Variants in MEIKIN observed in about 807,000 individuals in gnomAD.
MEIKIN encodes meiotic kinetochore factor.
At chr5:131,835,676 T>C (rs547003958) in intron 11 of MEIKIN, among the ~76,000 whole-genome samples, 21 of 152,116 alleles carry the variant, frequency 1.4e-4, no homozygotes, top group Non-Finnish European at 2.4e-4. Flanking sequence ...TCACTGCAAG[T>C]TCCATCTCCC....
intron 11 of MEIKIN, among the ~76,000 whole-genome samples, chr5:131,843,261 G>A (rs79367907): frequency 8.3e-4 from 126 of 152,298 alleles, no homozygotes; most frequent in African/African-American, 3.0e-3. Context: ...ATTCCCTGTA[G>A]GTATTTTTCC....
At chr5:131,907,907 G>GTAACAAGTACTTGTATT (rs1337321150) in intron 8 of MEIKIN, among the ~76,000 whole-genome samples, 10 of 151,600 alleles carry the variant, frequency 6.6e-5, no homozygotes, top group African/African-American at 2.4e-4. Flanking sequence ...AACCTGAACA[G>GTAACAAGTACTTGTATT]GACAATACAA....
chr5:131,899,662 G>C (rs1266356574), intron 8 of MEIKIN, among the ~76,000 whole-genome samples: 1 of 151,984 alleles, frequency 6.6e-6, no homozygotes. Context: ...CATGCCAATG[G>C]AAGTCAAAAA....
intron 11 of MEIKIN, among the ~76,000 whole-genome samples, chr5:131,819,109 A>C (rs1023290404): frequency 6.6e-6 from 1 of 152,192 alleles, no homozygotes; most frequent in Admixed American, 6.5e-5. Context: ...AAACAGTTTC[A>C]GAGAGATTGA....
chr5:131,897,717 T>G (rs1381962779), intron 8 of MEIKIN, among the ~76,000 whole-genome samples: 1 of 152,212 alleles, frequency 6.6e-6, no homozygotes, highest in Non-Finnish European at 1.5e-5. Flanking sequence ...GAAGTTTTCA[T>G]GCCATGGTTT....
chr5:131,876,996 T>C (rs1164183513), intron 9 of MEIKIN, among the ~76,000 whole-genome samples: 3 of 56,040 alleles, frequency 5.4e-5, no homozygotes, highest in African/African-American at 1.4e-4. Flanking sequence ...GGGCCTGTTG[T>C]GGGGTGGGGG....
intron 9 of MEIKIN, among the ~76,000 whole-genome samples, chr5:131,866,428 A>C (rs1359282600): frequency 2.6e-5 from 4 of 152,180 alleles, no homozygotes; most frequent in Non-Finnish European, 1.5e-5. Context: ...GGTGGCATGC[A>C]GGGGCAGAAT....
At chr5:131,825,630 C>T (rs183139435) in intron 11 of MEIKIN, among the ~76,000 whole-genome samples, 3 of 152,282 alleles carry the variant, frequency 2.0e-5, no homozygotes, top group African/African-American at 7.2e-5. Flanking sequence ...ACAGTGTGGA[C>T]CAAAACCTCC....
At chr5:131,933,951 A>G (rs1423428230) in intron 4 of MEIKIN, among the ~76,000 whole-genome samples, 2 of 151,618 alleles carry the variant, frequency 1.3e-5, no homozygotes, top group Non-Finnish European at 2.9e-5. Context: ...TTAATTTTTT[A>G]ATTTTTTTTT....
intron 6 of MEIKIN, among the ~76,000 whole-genome samples, chr5:131,920,025 A>G (rs1369551092): frequency 1.3e-5 from 2 of 152,214 alleles, no homozygotes; most frequent in African/African-American, 4.8e-5. Context: ...ATGAACTTAC[A>G]TAACTTTGGA....
chr5:131,927,275 T>G (rs1208049980), intron 5 of MEIKIN, among the ~76,000 whole-genome samples: 1 of 152,216 alleles, frequency 6.6e-6, no homozygotes, highest in Non-Finnish European at 1.5e-5. Flanking sequence ...TTTGTGAATT[T>G]TCCAGTATTC....
intron 5 of MEIKIN, among the ~76,000 whole-genome samples, chr5:131,925,118 A>G (rs1751566728): frequency 6.6e-6 from 1 of 152,176 alleles, no homozygotes; most frequent in South Asian, 2.1e-4. Context: ...CCTGTCAAAG[A>G]TAAGTTGGCC....
chr5:131,813,477 A>T (rs948946825), intron 12 of MEIKIN, among the ~76,000 whole-genome samples: 1 of 146,266 alleles, frequency 6.8e-6, no homozygotes, highest in East Asian at 2.0e-4. Flanking sequence ...CCCAGGCTGG[A>T]GTGCAGTGGC....
intron 3 of MEIKIN, among the ~76,000 whole-genome samples, chr5:131,942,961 T>G (rs1184552206): frequency 6.6e-6 from 1 of 152,040 alleles, no homozygotes; most frequent in Non-Finnish European, 1.5e-5. Context: ...TGACAGCAAA[T>G]AGAAGATAGA....
At chr5:131,811,344 T>A (rs978101190) in intron 12 of MEIKIN, among the ~76,000 whole-genome samples, 1 of 151,522 alleles carries the variant, frequency 6.6e-6, no homozygotes, top group Admixed American at 6.6e-5. Context: ...CTTTTTCTTT[T>A]CTTTTTTTTT....
intron 3 of MEIKIN, among the ~76,000 whole-genome samples, chr5:131,943,755 T>TA (rs1001127957): frequency 1.3e-5 from 2 of 152,144 alleles, no homozygotes; most frequent in African/African-American, 2.4e-5. Flanking sequence ...AAAAGCCTTT[T>TA]AAAAAAATGT....
chr5:131,922,548 A>T (rs560141122), intron 5 of MEIKIN, among the ~76,000 whole-genome samples: 1 of 152,208 alleles, frequency 6.6e-6, no homozygotes, highest in Non-Finnish European at 1.5e-5. Context: ...GGACTTCAGC[A>T]TCCACAGATT....
At chr5:131,892,196 G>C (rs967659756) in intron 8 of MEIKIN, among the ~76,000 whole-genome samples, 2 of 151,988 alleles carry the variant, frequency 1.3e-5, no homozygotes, top group Admixed American at 6.6e-5. Flanking sequence ...TATGTGTCTT[G>C]GATTTGCTCT....
At chr5:131,922,722 C>G (rs1751525442) in intron 5 of MEIKIN, among the ~76,000 whole-genome samples, 1 of 152,134 alleles carries the variant, frequency 6.6e-6, no homozygotes, top group African/African-American at 2.4e-5. Context: ...TCCTACCTCT[C>G]CCATCGTTCC....
Sources: gnomAD v4.1 joint callset for allele counts (sites outside exome capture counted in the v4.1 genomes callset) on GRCh38, gnomAD v4.1.1 for gene constraint, MANE v1.5 for transcripts, NCBI Gene and HGNC (gene_info 2026-07-23, HGNC 2026-07-21) for gene names.